The following DAB1 variants were observed in gnomAD, a reference collection of about 807,000 sequenced individuals.
DAB1 encodes disabled homolog 1.
Under a neutral mutation model 64.6 loss-of-function variants are expected in DAB1, and 15 were observed. The ratio of observed to expected loss-of-function variants is 0.23; its 90% CI spans 0.16 to 0.36. The LOEUF is 0.36. Among genes scored for constraint, DAB1 ranks in the 10% least tolerant of loss-of-function variants. The pLI, the probability that DAB1 is intolerant of heterozygous loss-of-function variation, is 1.00. For synonymous variants in DAB1, 235 were observed against 251.9 expected, an observed-to-expected ratio of 0.93 and a Z score of 0.64; for missense variants, 596 against 706.7, an observed-to-expected ratio of 0.84 and a Z score of 1.78.
chr1:58,100,506 CATA>C (rs1202278712), intron 5 of DAB1, among the ~76,000 whole-genome samples: 1 of 152,132 alleles, frequency 6.6e-6, no homozygotes, highest in East Asian at 1.9e-4. Flanking sequence ...GACTATTGTG[CATA>C]ATGCTTCTGT....
chr1:58,043,449 A>G (rs1647170710), intron 5 of DAB1, among the ~76,000 whole-genome samples: 1 of 152,136 alleles, frequency 6.6e-6, no homozygotes, highest in Non-Finnish European at 1.5e-5. Context: ...CCTTCAATAC[A>G]TGGATCGATA....
chr1:57,369,414 A>T (rs1430515013), intron 1 of DAB1, among the ~76,000 whole-genome samples: 2 of 152,208 alleles, frequency 1.3e-5, no homozygotes. Flanking sequence ...CTATAGGCCC[A>T]AGTGTTTTAT....
At chr1:58,397,686 G>C (rs937383897) in intron 3 of DAB1, among the ~76,000 whole-genome samples, 1 of 152,114 alleles carries the variant, frequency 6.6e-6, no homozygotes, top group Non-Finnish European at 1.5e-5. Context: ...CTTCTGCTGG[G>C]TGTCTGAATT....
intron 3 of DAB1, among the ~76,000 whole-genome samples, chr1:58,393,086 T>G (rs1644489096): frequency 6.6e-6 from 1 of 151,226 alleles, no homozygotes; most frequent in Non-Finnish European, 1.5e-5. Context: ...AGACTCCAAA[T>G]CATAGCTACA....
intron 7 of DAB1, among the ~76,000 whole-genome samples, chr1:57,478,743 C>A (rs1461525160): frequency 1.3e-5 from 2 of 151,682 alleles, no homozygotes; most frequent in Non-Finnish European, 2.9e-5. Context: ...CAGGTGCGTG[C>A]CACCATGCCC....
At chr1:57,370,741 G>T (rs1057115695) in intron 1 of DAB1, among the ~76,000 whole-genome samples, 19 of 152,130 alleles carry the variant, frequency 1.2e-4, no homozygotes, top group Non-Finnish European at 2.4e-4. Flanking sequence ...TAACTGAAGT[G>T]CCTTTTAATT....
intron 4 of DAB1, among the ~76,000 whole-genome samples, chr1:58,209,896 G>A (rs538047663): frequency 6.6e-6 from 1 of 152,260 alleles, no homozygotes; most frequent in South Asian, 2.1e-4. Flanking sequence ...TAATGCAGGT[G>A]AATGTAAGGT....
intron 3 of DAB1, among the ~76,000 whole-genome samples, chr1:58,395,886 G>C (rs986653770): frequency 2.0e-5 from 3 of 152,104 alleles, no homozygotes; most frequent in African/African-American, 7.2e-5. Flanking sequence ...GATCAAATTT[G>C]TTATTCAAAA....
At chr1:57,855,556 T>C (rs902741886) in intron 1 of DAB1, among the ~76,000 whole-genome samples, 1 of 151,980 alleles carries the variant, frequency 6.6e-6, no homozygotes, top group Non-Finnish European at 1.5e-5. Flanking sequence ...TATAGGGACA[T>C]AGGGACAGAG....
chr1:57,856,909 G>T (rs1162168229), intron 1 of DAB1, among the ~76,000 whole-genome samples: 2 of 152,168 alleles, frequency 1.3e-5, no homozygotes, highest in Non-Finnish European at 2.9e-5. Flanking sequence ...TTAGCACCTA[G>T]AACAGAGCCT....
At chr1:58,516,764 A>G (rs1013936923) in intron 2 of DAB1, among the ~76,000 whole-genome samples, 1 of 152,164 alleles carries the variant, frequency 6.6e-6, no homozygotes, top group South Asian at 2.1e-4. Context: ...TCTCAGAAAT[A>G]GTTCCCAGTA....
At chr1:58,185,844 G>A (rs1434962674) in intron 4 of DAB1, among the ~76,000 whole-genome samples, 1 of 152,132 alleles carries the variant, frequency 6.6e-6, no homozygotes, top group African/African-American at 2.4e-5. Context: ...ATGACCTTGG[G>A]CAAGTCATTG....
chr1:57,352,852 G>T (rs1037412210), intron 1 of DAB1, among the ~76,000 whole-genome samples: 2 of 151,944 alleles, frequency 1.3e-5, no homozygotes, highest in Non-Finnish European at 2.9e-5. Flanking sequence ...ATTATTTGTG[G>T]GTGAGCTTCC....
chr1:58,173,379 AATC>A (rs1462568108), intron 4 of DAB1, among the ~76,000 whole-genome samples: 2 of 152,076 alleles, frequency 1.3e-5, no homozygotes, highest in Admixed American at 1.3e-4. Flanking sequence ...GGCCTCCAAA[AATC>A]ATCATCTCTT....
intron 5 of DAB1, among the ~76,000 whole-genome samples, chr1:57,914,521 T>C (rs1419468188): frequency 2.6e-5 from 4 of 152,012 alleles, no homozygotes; most frequent in Admixed American, 6.5e-5. Context: ...TGTATACATA[T>C]GTAACAAACC....
At chr1:57,156,478 G>T (rs193071776) in intron 2 of DAB1, among the ~76,000 whole-genome samples, 1,626 of 152,270 alleles carry the variant, frequency 0.011, 45 homozygotes, top group Admixed American at 0.065. Context: ...GAACAGAGCA[G>T]ACCTGCGGTG....
At chr1:57,580,325 G>A (rs145190153) in intron 7 of DAB1, among the ~76,000 whole-genome samples, 7 of 152,100 alleles carry the variant, frequency 4.6e-5, no homozygotes, top group East Asian at 3.9e-4. Context: ...GTACATCTCC[G>A]GGGAGACAAA....
intron 2 of DAB1, among the ~76,000 whole-genome samples, chr1:57,265,571 C>T (rs991820559): frequency 2.6e-5 from 4 of 152,170 alleles, no homozygotes; most frequent in Non-Finnish European, 4.4e-5. Flanking sequence ...ACTTACAAAA[C>T]ACTAAAAGCA....
At chr1:58,533,977 T>C (rs1646477133) in intron 1 of DAB1, 2 of 872,174 alleles carry the variant, frequency 2.3e-6, no homozygotes, top group Non-Finnish European at 4.0e-6. Context: ...CTGCATGTGC[T>C]ATTTCATGGC....
Sources: allele counts gnomAD v4.1 joint callset (sites outside exome capture counted in the v4.1 genomes callset), GRCh38; gene constraint gnomAD v4.1.1; transcripts MANE v1.5; gene names NCBI Gene and HGNC (gene_info 2026-07-23, HGNC 2026-07-21).